The following GRID2 variants were observed in gnomAD, a reference collection of about 807,000 sequenced individuals.
GRID2 encodes the protein glutamate receptor ionotropic, delta-2.
Under a neutral mutation model 114.8 loss-of-function variants are expected in GRID2, and 33 were observed. The ratio of observed to expected loss-of-function variants is 0.29; its 90% CI spans 0.22 to 0.38. The LOEUF is 0.38. Among genes scored for constraint, GRID2 ranks in the 10% least tolerant of loss-of-function variants. GRID2 has a pLI of 1.00. For synonymous variants in GRID2, 505 were observed against 449.9 expected, an observed-to-expected ratio of 1.12 and a Z score of -1.55; for missense variants, 1,184 against 1,257.7, an observed-to-expected ratio of 0.94 and a Z score of 0.89.
intron 10 of GRID2, among the ~76,000 whole-genome samples, chr4:93,446,700 T>C (rs962334577): frequency 7.2e-5 from 11 of 151,976 alleles, no homozygotes; most frequent in African/African-American, 2.4e-4. Flanking sequence ...ATTGTAAGTT[T>C]GAATTTCTAT....
chr4:93,331,213 C>G (rs1758401469), intron 8 of GRID2, among the ~76,000 whole-genome samples: 1 of 148,776 alleles, frequency 6.7e-6, no homozygotes, highest in Non-Finnish European at 1.5e-5. Context: ...TCCAGAGACA[C>G]TATGTTCCTT....
chr4:92,983,935 G>A (rs959230164), intron 2 of GRID2, among the ~76,000 whole-genome samples: 2 of 152,126 alleles, frequency 1.3e-5, no homozygotes, highest in African/African-American at 4.8e-5. Context: ...AGAAGCAATA[G>A]CCTGTAATAG....
chr4:93,745,168 C>T (rs543808705), intron 14 of GRID2, among the ~76,000 whole-genome samples: 2 of 152,196 alleles, frequency 1.3e-5, no homozygotes, highest in South Asian at 4.1e-4. Flanking sequence ...ATTGTTATTG[C>T]TGTCATCATC....
chr4:92,573,456 T>C (rs1190234055), intron 1 of GRID2, among the ~76,000 whole-genome samples: 4 of 152,152 alleles, frequency 2.6e-5, no homozygotes, highest in Non-Finnish European at 4.4e-5. Flanking sequence ...GTTAGTGCTA[T>C]AAATTTCCCT....
At chr4:93,482,874 A>G (rs1580208828) in intron 11 of GRID2, among the ~76,000 whole-genome samples, 1 of 151,888 alleles carries the variant, frequency 6.6e-6, no homozygotes, top group African/African-American at 2.4e-5. Context: ...TGGGTTCAAT[A>G]TAGTGAACCC....
chr4:93,306,237 G>T (rs562501061), intron 8 of GRID2: 1 of 152,244 alleles, frequency 6.6e-6, no homozygotes, highest in Non-Finnish European at 1.5e-5. Flanking sequence ...CTAAAGGTTG[G>T]GCTAAGAGAA....
At chr4:93,557,920 C>A (rs1734479015) in intron 13 of GRID2, among the ~76,000 whole-genome samples, 1 of 152,144 alleles carries the variant, frequency 6.6e-6, no homozygotes, top group Non-Finnish European at 1.5e-5. Flanking sequence ...AATTAGAACT[C>A]AGGATTAAGA....
chr4:93,659,163 C>CA lies in GRID2; in HGVS notation c.2360+32739dup, dbSNP rs1293034809. Among the ~76,000 whole-genome samples the CA allele has an allele frequency of 6.8e-4, 92 of 136,136 alleles. No individual in the cohort carries two copies. In the Middle Eastern group the frequency reaches 0.015, roughly 22 times the overall value. 89.3% of individuals were successfully genotyped at this position (136,136 alleles called of 152,430 possible). On this transcript the variant is annotated intron_variant, in intron 14 of 15. Coordinates refer to ENST00000282020, the MANE Select transcript of GRID2 (RefSeq NM_001510.4). ...AGTTTTGAAAGGTCTTAGAATCAGG[C>CA]AAAAAAAAAAAGTGCCAAAAACTGG...
At chr4:93,789,649 T>A (rs1734658778) in intron 1 of GRID2, among the ~76,000 whole-genome samples, 1 of 152,212 alleles carries the variant, frequency 6.6e-6, no homozygotes, top group Non-Finnish European at 1.5e-5. Flanking sequence ...TTTTCTATTC[T>A]CATCAGAATA....
intron 11 of GRID2, among the ~76,000 whole-genome samples, chr4:93,473,344 G>C (rs1725023422): frequency 6.6e-6 from 1 of 151,976 alleles, no homozygotes; most frequent in African/African-American, 2.4e-5. Flanking sequence ...GCTTAACATT[G>C]TACCATACTT....
intron 13 of GRID2, among the ~76,000 whole-genome samples, chr4:93,543,746 G>T (rs1444076681): frequency 6.8e-6 from 1 of 146,774 alleles, no homozygotes; most frequent in Non-Finnish European, 1.5e-5. Flanking sequence ...GAGAGAGAGA[G>T]AAGCAGCACT....
intron 1 of GRID2, among the ~76,000 whole-genome samples, chr4:92,314,590 A>G (rs989887077): frequency 6.6e-6 from 1 of 152,192 alleles, no homozygotes; most frequent in Non-Finnish European, 1.5e-5. Context: ...CAACACTGAC[A>G]TCATAACACA....
intron 2 of GRID2, among the ~76,000 whole-genome samples, chr4:92,804,817 A>T (rs934900033): frequency 6.6e-6 from 1 of 152,034 alleles, no homozygotes; most frequent in Non-Finnish European, 1.5e-5. Context: ...GTCTTTTTGT[A>T]AATAGGCTGG....
At chr4:93,716,940 G>A (rs1371426209) in intron 14 of GRID2, among the ~76,000 whole-genome samples, 1 of 151,970 alleles carries the variant, frequency 6.6e-6, no homozygotes, top group Admixed American at 6.6e-5. Context: ...GGTCAAAATA[G>A]AGCTGGAATT....
At chr4:92,705,214 G>A (rs182022489) in intron 2 of GRID2, among the ~76,000 whole-genome samples, 2,014 of 151,856 alleles carry the variant, frequency 0.013, 49 homozygotes, top group African/African-American at 0.046. Flanking sequence ...TAAACCAAAA[G>A]AAAAAAATCC....
intron 4 of GRID2, among the ~76,000 whole-genome samples, chr4:93,185,952 T>G (rs1740374516): frequency 6.6e-6 from 1 of 152,128 alleles, no homozygotes; most frequent in Non-Finnish European, 1.5e-5. Context: ...TGTGTCCAAG[T>G]GTTCTCATTG....
intron 2 of GRID2, among the ~76,000 whole-genome samples, chr4:93,058,434 T>C (rs531767688): frequency 1.3e-5 from 2 of 152,028 alleles, no homozygotes; most frequent in South Asian, 2.1e-4. Flanking sequence ...CACTTTAGAA[T>C]TGGGAATGTC....
At chr4:93,678,978 C>T (rs949397806) in intron 14 of GRID2, among the ~76,000 whole-genome samples, 4 of 151,080 alleles carry the variant, frequency 2.6e-5, no homozygotes, top group Admixed American at 2.0e-4. Flanking sequence ...AAGACACAGA[C>T]TGGCAAATTG....
At chr4:93,508,239 C>T (rs1478480576) in intron 12 of GRID2, among the ~76,000 whole-genome samples, 1 of 149,602 alleles carries the variant, frequency 6.7e-6, no homozygotes, top group East Asian at 2.0e-4. Flanking sequence ...GGTCTGTAGC[C>T]CAGGCTGGGG....
Sources: gnomAD v4.1 joint callset for allele counts (sites outside exome capture counted in the v4.1 genomes callset) on GRCh38, gnomAD v4.1.1 for gene constraint, MANE v1.5 for transcripts, NCBI Gene and HGNC (gene_info 2026-07-23, HGNC 2026-07-21) for gene names.